RPLP0: variants seen among roughly 807,000 people sequenced by gnomAD.
The protein encoded by RPLP0 is ribosomal protein lateral stalk subunit P0, also known as large ribosomal subunit protein uL10.
For missense variants in RPLP0, 276 were observed against 402.9 expected, an observed-to-expected ratio of 0.69 and a Z score of 2.70; for synonymous variants, 137 against 153.4, an observed-to-expected ratio of 0.89 and a Z score of 0.79.
intron 7 of RPLP0, 88 bp from the exon 8 acceptor site, chr12:120,197,022 A>G: frequency 6.3e-7 from 1 of 1,583,736 alleles, no homozygotes; most frequent in Non-Finnish European, 8.6e-7. Context: ...TTAAGGACCA[A>G]CAATATCAAA....
intron 1 of RPLP0, 44 bp downstream of exon 1, chr12:120,201,039 T>G (rs1000683619): frequency 8.6e-6 from 4 of 462,514 alleles, no homozygotes; most frequent in African/African-American, 4.0e-5. Context: ...CCCTCCATGC[T>G]TCCCGCCGGC....
At position 120,198,945 on chromosome 12, in the gene RPLP0, G is replaced by C. The variant is rs777061954; in HGVS notation, c.374C>G (p.Ala125Gly). Residue 125 changes from alanine to glycine, a missense_variant, in exon 5 of 8, where the codon GCC becomes GGC. Coordinates refer to ENST00000392514, the MANE Select transcript of RPLP0 (RefSeq NM_001002.4). The surrounding 1 kb of genome is among the most constrained non-coding windows in gnomAD (Gnocchi z 4.1). ...CTCGGGCCCGAGACCAGTGTTCTGGGCTGGCACAGTGACTTCACATGGGGC... is the reference window on the plus strand; with the variant it reads ...CTCGGGCCCGAGACCAGTGTTCTGGCCTGGCACAGTGACTTCACATGGGGC... ...AIAPCEVTVPAQNTGLGPEKT... is the reference protein window; with the variant it reads ...AIAPCEVTVPGQNTGLGPEKT... The C allele has an allele frequency of 1.2e-6, 2 of 1,613,776 alleles. No homozygotes were observed. The highest frequency in any genetic ancestry group is 1.7e-6 in the Non-Finnish European group (2 of 1,179,708).
rs1321686357 is a variant in RPLP0, at chr12:120,199,108, G to A, written c.318+10C>T. On this transcript the variant is annotated intron_variant, in intron 4 of 7. Transcript: ENST00000392514. ...CAAAGTCTCTTTAGCCAACCCAATTGTCCCCTTACCTTATTGGCCAGCAAC... is the reference window on the plus strand; with the variant it reads ...CAAAGTCTCTTTAGCCAACCCAATTATCCCCTTACCTTATTGGCCAGCAAC... 3.7e-6 allele frequency: 6 copies of A among 1,611,830 alleles called. No individual in the cohort carries two copies. The highest frequency in any genetic ancestry group is 4.2e-6 in the Non-Finnish European group (5 of 1,177,922).
chr12:120,199,558 C>A, intron 2 of RPLP0, 73 bp from the exon 3 acceptor site: 1 of 1,472,996 alleles, frequency 6.8e-7, no homozygotes, highest in Non-Finnish European at 9.2e-7. Flanking sequence ...GAAACTGAAC[C>A]CCACAATTTG....
At chr12:120,199,626 C>A (rs1049597699) in intron 2 of RPLP0, 141 bp from the exon 3 acceptor site, 1 of 789,976 alleles carries the variant, frequency 1.3e-6, no homozygotes, top group Non-Finnish European at 2.0e-6. Context: ...TTGGGAGCTA[C>A]GTTGTAACAC....
intron 6 of RPLP0, 35 bp from the exon 7 acceptor site, chr12:120,197,497 C>T (rs753383222): frequency 6.3e-7 from 1 of 1,599,872 alleles, no homozygotes; most frequent in Non-Finnish European, 8.6e-7. Flanking sequence ...ACGTGAGATT[C>T]CCTACAGGAA....
intron 1 of RPLP0, 43 bp from the exon 2 acceptor site, chr12:120,200,874 C>A: frequency 6.5e-7 from 1 of 1,531,806 alleles, no homozygotes; most frequent in Non-Finnish European, 8.8e-7. Context: ...CGCCGACACC[C>A]ATCCCGCGGT....
intron 1 of RPLP0, 58 bp from the exon 2 acceptor site, chr12:120,200,889 G>C: frequency 1.3e-6 from 2 of 1,502,358 alleles, no homozygotes; most frequent in East Asian, 2.5e-5. Context: ...CGCGGTCCCG[G>C]GCCTAAGAGG....
At chr12:120,200,532 G>A in intron 2 of RPLP0, 198 bp downstream of exon 2, 1 of 580,918 alleles carries the variant, frequency 1.7e-6, no homozygotes, top group Admixed American at 3.1e-5. Context: ...TGTCATCTTA[G>A]GACCCACTTA....
At chr12:120,197,932 CA>C (rs1308909514) in intron 6 of RPLP0, 1 of 150,882 alleles carries the variant, frequency 6.6e-6, no homozygotes, top group African/African-American at 2.8e-5. Context: ...ATTTAAAGGG[CA>C]TTATTTTTTT....
In RPLP0 at chr12:120,198,396, A is replaced by G. The variant is rs539647911; in HGVS notation, c.651+158T>C. On this transcript the variant is annotated intron_variant, in intron 6 of 7. Transcript: ENST00000392514. This position sits in a 1 kb window ranked among gnomAD's most constrained non-coding sequence, Gnocchi z 4.1. ...GCAAGACTCTGTCTCCAAAAAAAAA[A>G]AAAAAAAATCCTTCAACAATCTTAT... is the stretch of plus-strand genomic sequence containing the variant. 15 of 838,280 alleles carry G rather than the reference A, an allele frequency of 1.8e-5. No individual in the cohort carries two copies. Among genetic ancestry groups the G allele is most frequent in the Non-Finnish European group, 1.1e-5 (6 of 551,440 alleles). The allele number at this position is 838,280 out of a possible 1,614,324, so 51.9% of individuals were successfully genotyped here.
Position 120,197,479 on chromosome 12 carries a change from T to G in RPLP0, c.652-17A>C. 6.2e-7 allele frequency: 1 copy of G among 1,612,894 alleles called. No homozygotes were observed. Among genetic ancestry groups the G allele is most frequent in the African/African-American group, 1.3e-5 (1 of 75,028 alleles). ...GCGGACACCCTGGGGGAGGGAAGAT[T>G]TCATTTTACGTGAGATTCCCTACAG... On this transcript the variant is annotated splice_polypyrimidine_tract_variant and intron_variant, in intron 6 of 7. Transcript: ENST00000392514.
At chr12:120,199,918 C>G (rs1394501064) in intron 2 of RPLP0, 2 of 416,488 alleles carry the variant, frequency 4.8e-6, no homozygotes, top group African/African-American at 4.1e-5. Context: ...GATTGTTACA[C>G]AATTCCTTTG....
At chr12:120,200,957 G>C in intron 1 of RPLP0, 126 bp from the exon 2 acceptor site, 1 of 1,215,428 alleles carries the variant, frequency 8.2e-7, no homozygotes, top group Non-Finnish European at 1.1e-6. Flanking sequence ...GTCATCTCGG[G>C]GCGTGCAAGC....
At position 120,196,849 on chromosome 12, in the gene RPLP0, G is replaced by A. The variant is rs1386696607; in HGVS notation, c.878C>T (p.Ala293Val). The A allele has an allele frequency of 2.5e-6, 4 of 1,607,262 alleles. No homozygotes were observed. Among genetic ancestry groups the A allele is most frequent in the Non-Finnish European group, 2.6e-6 (3 of 1,176,130 alleles). ...AATTAAPAAA[A>V]APAKVEAKEE... ...CTTGGCTTCAACCTTAGCTGGGGCT[G>A]CAGCAGCAGCAGGAGCAGCTGTGGT... The change falls in exon 8 of 8, where the codon GCA becomes GTA. Residue 293 changes from alanine to valine, a missense_variant. Ala to Val is a moderately conservative substitution (Grantham distance 64, BLOSUM62 0). Transcript: ENST00000392514.
At chr12:120,197,139 T>C (rs1022464154) in intron 7 of RPLP0, 183 bp downstream of exon 7, 180 of 1,027,188 alleles carry the variant, frequency 1.8e-4, no homozygotes, top group Admixed American at 3.5e-4. Context: ...TAACCCCCTC[T>C]TTGGGTCTCT....
intron 2 of RPLP0, chr12:120,200,257 G>A (rs930568654): frequency 3.5e-5 from 13 of 372,734 alleles, no homozygotes; most frequent in South Asian, 1.2e-4. Context: ...GAAGTCAAGA[G>A]ATCGAGACCA....
At chr12:120,200,913 C>T (rs1265358636) in intron 1 of RPLP0, 82 bp from the exon 2 acceptor site, 3 of 1,436,452 alleles carry the variant, frequency 2.1e-6, no homozygotes, top group Non-Finnish European at 1.8e-6. Context: ...AGGACACGCG[C>T]AATCGCCCGC....
rs756111385 is a variant in RPLP0, at chr12:120,199,180, C to T, written c.256G>A (p.Val86Met). The part of the protein sequence containing the change: ...EKLLPHIRGN[V>M]GFVFTKEDLT... Reference sequence around the variant, plus strand: ...TCCTCCTTGGTGAACACAAAGCCCACATTCCCCCGGATATGAGGCAGCAGT... The same window carrying T: ...TCCTCCTTGGTGAACACAAAGCCCATATTCCCCCGGATATGAGGCAGCAGT... Residue 86 changes from valine (V) to methionine (M), a missense_variant, in exon 4 of 8, where the codon GTG becomes ATG. Val to Met is a conservative substitution (Grantham distance 21, BLOSUM62 1). Coordinates refer to ENST00000392514, the MANE Select transcript of RPLP0 (RefSeq NM_001002.4). The T allele has an allele frequency of 1.2e-6, 2 of 1,613,976 alleles. No individual in the cohort carries two copies. The highest frequency in any genetic ancestry group is 8.5e-7 in the Non-Finnish European group (1 of 1,179,950).
Sources: gnomAD v4.1 joint callset for allele counts on GRCh38, gnomAD v4.1.1 for gene constraint, Gnocchi (gnomAD v3.1) non-coding constraint, MANE v1.5 for transcripts, NCBI Gene and HGNC (gene_info 2026-07-23, HGNC 2026-07-21) for gene names.